The following PLOD2 variants were observed in gnomAD, a reference collection of about 807,000 sequenced individuals.
PLOD2 encodes the protein procollagen-lysine,2-oxoglutarate 5-dioxygenase 2.
A neutral mutation model predicts 101.0 loss-of-function variants in PLOD2; 65 were observed. The ratio of observed to expected loss-of-function variants is 0.64; its 90% CI spans 0.53 to 0.79. The LOEUF is 0.79. PLOD2 is among the 30% of genes least tolerant of loss of function. PLOD2 has a pLI of 0.00. For missense variants in PLOD2, 909 were observed against 914.6 expected (o/e 0.99, Z 0.08); for synonymous variants, 314 against 302.9 (o/e 1.04, Z -0.38).
intron 1 of PLOD2, among the ~76,000 whole-genome samples, chr3:146,127,253 C>T (rs1401021900): frequency 6.6e-6 from 1 of 152,160 alleles, no homozygotes; most frequent in East Asian, 1.9e-4. Context: ...GGGGATTTGG[C>T]TTCTAGTATA....
At chr3:146,084,156 T>C (rs146701318) in intron 11 of PLOD2, among the ~76,000 whole-genome samples, 4 of 152,096 alleles carry the variant, frequency 2.6e-5, no homozygotes, top group Admixed American at 2.0e-4. Flanking sequence ...CTATTTCATA[T>C]CTCTAGGGTG....
At chr3:146,155,277 T>C (rs1398831314) in intron 1 of PLOD2, among the ~76,000 whole-genome samples, 2 of 152,020 alleles carry the variant, frequency 1.3e-5, no homozygotes, top group Non-Finnish European at 2.9e-5. Context: ...TGAGCTATGA[T>C]AGCGTCACTG....
At chr3:146,130,845 C>G (rs1037539986) in intron 1 of PLOD2, among the ~76,000 whole-genome samples, 4 of 152,162 alleles carry the variant, frequency 2.6e-5, no homozygotes, top group Admixed American at 6.5e-5. Context: ...CAACTTAAGA[C>G]TTCTATCCTT....
rs763990436 is a variant in PLOD2, at chr3:146,079,089, C to T, written c.1500+27G>A. Reference sequence around the variant, plus strand: ...AAGCAAGCCATCTTATAAGAACATTCAAGCAAGCCATCACTGCATATCTTA... The same window carrying T: ...AAGCAAGCCATCTTATAAGAACATTTAAGCAAGCCATCACTGCATATCTTA... On this transcript the variant is annotated intron_variant, in intron 13 of 19. Coordinates refer to ENST00000282903, the MANE Select transcript of PLOD2 (RefSeq NM_182943.3). 4 of 1,608,634 alleles carry T rather than the reference C, an allele frequency of 2.5e-6. No homozygotes were observed. The East Asian group carries it at 8.9e-5, about 36-fold the overall frequency.
chr3:146,105,642 G>C (rs1937523972), intron 5 of PLOD2, among the ~76,000 whole-genome samples: 1 of 152,114 alleles, frequency 6.6e-6, no homozygotes, highest in African/African-American at 2.4e-5. Context: ...TTTTAAAATT[G>C]TAGCCAATTA....
chr3:146,083,352 A>G (rs1302875247), intron 11 of PLOD2, among the ~76,000 whole-genome samples: 1 of 152,162 alleles, frequency 6.6e-6, no homozygotes, highest in Non-Finnish European at 1.5e-5. Context: ...CATGCCCAAG[A>G]TGTGTCAAAT....
At chr3:146,077,978 T>C in intron 13 of PLOD2, 54 bp from the exon 14 acceptor site, 1 of 937,690 alleles carries the variant, frequency 1.1e-6, no homozygotes, top group South Asian at 1.3e-5. Flanking sequence ...CTCTCTCAGG[T>C]ATTCTTTGGT....
intron 1 of PLOD2, among the ~76,000 whole-genome samples, chr3:146,139,568 G>A (rs546836757): frequency 1.3e-5 from 2 of 152,070 alleles, no homozygotes; most frequent in African/African-American, 4.8e-5. Context: ...TATGATGCAG[G>A]AAAAAGATAA....
chr3:146,146,144 C>T (rs1292612496), intron 1 of PLOD2, among the ~76,000 whole-genome samples: 1 of 152,024 alleles, frequency 6.6e-6, no homozygotes, highest in Non-Finnish European at 1.5e-5. Context: ...AATAGAGCTC[C>T]ACGTTAAAAA....
chr3:146,106,842 T>G (rs1369623071), intron 4 of PLOD2, among the ~76,000 whole-genome samples, 198 bp from the exon 5 acceptor site: 1 of 152,188 alleles, frequency 6.6e-6, no homozygotes, highest in African/African-American at 2.4e-5. Flanking sequence ...AATAGAGTGT[T>G]TGCTACCAAC....
At chr3:146,128,210 G>C (rs1014027589) in intron 1 of PLOD2, among the ~76,000 whole-genome samples, 1 of 152,100 alleles carries the variant, frequency 6.6e-6, no homozygotes, top group Non-Finnish European at 1.5e-5. Flanking sequence ...ACAGTGAGAT[G>C]ACTAAGGAAT....
chr3:146,090,809 G>A (rs1425114634), intron 8 of PLOD2, among the ~76,000 whole-genome samples: 1 of 151,788 alleles, frequency 6.6e-6, no homozygotes, highest in Non-Finnish European at 1.5e-5. Context: ...GGGTTCAGGA[G>A]TTAGTAGTAC....
At position 146,134,859 on chromosome 3, in the gene PLOD2, A is replaced by T. The variant is rs376560593; in HGVS notation, c.110-10630T>A. On this transcript the variant is annotated intron_variant, in intron 1 of 19. Transcript: ENST00000282903. ...GTAAGGGTGAGGTGCCTGAATCAAG[A>T]TAACATTTTATTCTTCATAACGGAA... 7.9e-5 allele frequency among the ~76,000 whole-genome samples: 12 copies of T among 152,312 alleles called. No individual in the cohort carries two copies. The East Asian group carries it at 2.1e-3, about 27-fold the overall frequency.
At chr3:146,112,484 A>C (rs2108073107) in intron 3 of PLOD2, among the ~76,000 whole-genome samples, 1 of 152,088 alleles carries the variant, frequency 6.6e-6, no homozygotes, top group Non-Finnish European at 1.5e-5. Flanking sequence ...AACATCACAC[A>C]GTGGAGTTTG....
chr3:146,127,414 G>A (rs748410366), intron 1 of PLOD2, among the ~76,000 whole-genome samples: 5 of 152,028 alleles, frequency 3.3e-5, no homozygotes, highest in Non-Finnish European at 7.4e-5. Context: ...CCACTTATAA[G>A]CGAGAACACG....
chr3:146,076,926 T>C (rs950950545), intron 14 of PLOD2, 31 bp from the exon 15 acceptor site: 12 of 1,427,628 alleles, frequency 8.4e-6, no homozygotes, highest in Non-Finnish European at 1.1e-5. Context: ...GTATTAATCT[T>C]AGAGGTAGGT....
chr3:146,157,463 A>G (rs1307369025), intron 1 of PLOD2, among the ~76,000 whole-genome samples: 1 of 152,204 alleles, frequency 6.6e-6, no homozygotes, highest in Non-Finnish European at 1.5e-5. Flanking sequence ...ATTTCAAAAA[A>G]CTAAAAAGGA....
intron 1 of PLOD2, among the ~76,000 whole-genome samples, chr3:146,152,273 A>G (rs116080785): frequency 0.088 from 13,435 of 152,118 alleles, 760 homozygotes; most frequent in South Asian, 0.14. Context: ...TACAAAAATT[A>G]CCTGGCCGTG....
At chr3:146,114,144 T>G (rs1258475605) in intron 3 of PLOD2, among the ~76,000 whole-genome samples, 1 of 152,146 alleles carries the variant, frequency 6.6e-6, no homozygotes. Context: ...GATAAGACGT[T>G]ATCAATGACA....
Sources: gnomAD v4.1 joint callset for allele counts (sites outside exome capture counted in the v4.1 genomes callset) on GRCh38, gnomAD v4.1.1 for gene constraint, MANE v1.5 for transcripts, NCBI Gene and HGNC (gene_info 2026-07-23, HGNC 2026-07-21) for gene names.